Variants in DOT1L observed in about 807,000 individuals in gnomAD.
DOT1L encodes histone-lysine N-methyltransferase, H3 lysine-79 specific.
In DOT1L, 33 loss-of-function variants were observed where a neutral mutation model predicts 153.3. The observed-to-expected ratio is 0.22, with a 90% CI of 0.16 to 0.29. The LOEUF is 0.29. Among genes scored for constraint, DOT1L ranks in the 10% least tolerant of loss-of-function variants. The pLI is 1.00. For missense variants in DOT1L, 1,847 were observed against 2,119.9 expected, an observed-to-expected ratio of 0.87 and a Z score of 2.53; for synonymous variants, 1,135 against 965.1, an observed-to-expected ratio of 1.18 and a Z score of -3.26.
chr19:2,209,939 T>A (rs1174272878), intron 12 of DOT1L, among the ~76,000 whole-genome samples: 1 of 152,168 alleles, frequency 6.6e-6, no homozygotes. Flanking sequence ...TGTGTTCCCC[T>A]TCCCGTGGGT....
rs146482120 is a variant in DOT1L at position 2,222,408 on chromosome 19, G to T, written c.3239G>T (p.Gly1080Val). 1.2e-6 allele frequency: 2 copies of T among 1,611,120 alleles called. No individual in the cohort carries two copies. The highest frequency in any genetic ancestry group is 1.7e-6 in the Non-Finnish European group (2 of 1,179,072). ...SARGDCVPSH[G>V]QDSRRRGRRK... is the part of the protein sequence containing the mutation. ...CGTGGGGACTGTGTGCCGAGCCACG[G>T]GCAGGACAGTCGCAGGCGCGGCCGG... Residue 1080 changes from glycine (G) to valine (V), a missense_variant, in exon 24 of 28, where the codon GGG (glycine) becomes GTG (valine). By Grantham distance (109) the Gly-to-Val change is moderately radical. Transcript: ENST00000398665. The surrounding 1 kb of genome is among the most constrained non-coding windows in gnomAD (Gnocchi z 6.5).
In DOT1L at chr19:2,217,594, T is replaced by A. The variant is rs2023953669; in HGVS notation, c.2545-178T>A. On this transcript the variant is annotated intron_variant, in intron 21 of 27. Transcript: ENST00000398665. The surrounding 1 kb of genome is among the most constrained non-coding windows in gnomAD (Gnocchi z 7.3). The stretch of plus-strand genomic sequence containing the variant: ...AGACACCAGGAGCGTGCCGTCCCTC[T>A]GGAGTGTCCCAAAGCCGGTGTCCAG... Among the ~76,000 whole-genome samples the A allele has an allele frequency of 6.6e-6, 1 of 152,118 alleles. No homozygotes were observed. Among genetic ancestry groups the A allele is most frequent in the Admixed American group, 6.5e-5 (1 of 15,280 alleles).
intron 22 of DOT1L, 138 bp downstream of exon 22, chr19:2,218,056 C>A: frequency 7.7e-7 from 1 of 1,296,654 alleles, no homozygotes; most frequent in Non-Finnish European, 1.0e-6. Flanking sequence ...GGTGGGCTGT[C>A]CAAAGCCGGG....
chr19:2,178,904 C>T (rs1015273683), intron 1 of DOT1L, among the ~76,000 whole-genome samples: 18 of 152,286 alleles, frequency 1.2e-4, no homozygotes, highest in Admixed American at 4.6e-4. Context: ...TGCAAAGCAC[C>T]GCACAGACTT....
At chr19:2,176,876 C>G (rs2144681355) in intron 1 of DOT1L, among the ~76,000 whole-genome samples, 1 of 152,316 alleles carries the variant, frequency 6.6e-6, no homozygotes, top group South Asian at 2.1e-4. Flanking sequence ...GGCTGGAATT[C>G]CAGCTTGAGG....
At chr19:2,172,939 T>C (rs1831437023) in intron 1 of DOT1L, among the ~76,000 whole-genome samples, 1 of 150,962 alleles carries the variant, frequency 6.6e-6, no homozygotes, top group South Asian at 2.1e-4. Context: ...ATCGTGCCAC[T>C]GCACTCCAGC....
intron 3 of DOT1L, among the ~76,000 whole-genome samples, chr19:2,187,122 A>G (rs1599554341): frequency 6.6e-6 from 1 of 151,934 alleles, no homozygotes. Context: ...GCTTTACCTC[A>G]CCCAGGAGCC....
rs2024533668 is a variant in DOT1L at position 2,230,108 on chromosome 19, G to T, written c.*316G>T. 1.8e-6 allele frequency: 1 copy of T among 545,062 alleles called. No homozygotes were observed. The highest frequency in any genetic ancestry group is 1.9e-5 in the African/African-American group (1 of 51,346). The allele number at this position is 545,062 out of a possible 1,614,324, so 33.8% of individuals were successfully genotyped here. On this transcript the variant is annotated 3_prime_UTR_variant, in exon 28 of 28. Transcript: ENST00000398665. ...TCTATATATGAGAGCTCTATATAAAGACACGTGTCTGCAGGGCGGGCCCGC... is the reference window on the plus strand; with the variant it reads ...TCTATATATGAGAGCTCTATATAAATACACGTGTCTGCAGGGCGGGCCCGC...
rs72985453 is a variant in DOT1L at position 2,193,946 on chromosome 19, G to A, written c.588+163G>A. 0.015 allele frequency among the ~76,000 whole-genome samples: 2,247 copies of A among 152,258 alleles called. 31 individuals carry two copies. The highest frequency in any genetic ancestry group is 0.024 in the Middle Eastern group (7 of 294). On this transcript the variant is annotated intron_variant, in intron 6 of 27. Transcript: ENST00000398665. The surrounding 1 kb of genome is among the most constrained non-coding windows in gnomAD (Gnocchi z 5.9). ...GCCTGCAGCGTGTGCCTGTGAATAG[G>A]GTGCCCGATCGCCCTCACGGCCCAT...
At chr19:2,227,536 C>G in intron 27 of DOT1L, 1 of 578,532 alleles carries the variant, frequency 1.7e-6, no homozygotes, top group Non-Finnish European at 2.8e-6. Flanking sequence ...AGCGGCCTGG[C>G]CCTGGGGCTG....
At position 2,222,332 on chromosome 19, in the gene DOT1L, A is replaced by G; in HGVS notation, c.3163A>G (p.Ser1055Gly). The change falls in exon 24 of 28, where the codon AGT becomes GGT. Residue 1055 changes from serine (S) to glycine (G), a missense_variant. Physicochemically the swap from Ser to Gly is moderately conservative, Grantham distance 56 (BLOSUM62 0). Coordinates refer to ENST00000398665, the MANE Select transcript of DOT1L (RefSeq NM_032482.3). The surrounding 1 kb of genome is among the most constrained non-coding windows in gnomAD (Gnocchi z 6.5). Reference protein sequence around the residue: ...IVFTITTGAGSAKQSPSSKHS... With the variant: ...IVFTITTGAGGAKQSPSSKHS... ...GTTCACCATCACCACTGGTGCGGGC[A>G]GTGCCAAGCAGTCGCCCTCCAGCAA... is the stretch of plus-strand genomic sequence containing the variant. The G allele has an allele frequency of 1.2e-6, 2 of 1,612,872 alleles. No individual in the cohort carries two copies. The highest frequency in any genetic ancestry group is 1.7e-6 in the Non-Finnish European group (2 of 1,179,876).
At chr19:2,185,021 G>A (rs1005844491) in intron 2 of DOT1L, among the ~76,000 whole-genome samples, 2 of 152,124 alleles carry the variant, frequency 1.3e-5, no homozygotes, top group Non-Finnish European at 2.9e-5. Context: ...GTTTCTGTAG[G>A]TTTAGTGTTT....
At chr19:2,194,013 G>A (rs2022909341) in intron 6 of DOT1L, among the ~76,000 whole-genome samples, 1 of 152,196 alleles carries the variant, frequency 6.6e-6, no homozygotes, top group Non-Finnish European at 1.5e-5. Flanking sequence ...CTGCAGGGGT[G>A]TCTCGGAGCC....
chr19:2,170,541 C>T (rs1289291733), intron 1 of DOT1L, among the ~76,000 whole-genome samples: 1 of 152,094 alleles, frequency 6.6e-6, no homozygotes, highest in African/African-American at 2.4e-5. Context: ...AGCCCCGATT[C>T]AACTCACTTC....
Position 2,208,620 on chromosome 19 carries a change from G to A in DOT1L, c.964-315G>A, listed in dbSNP as rs1468366315. Among the ~76,000 whole-genome samples, 3 of 152,308 alleles carry A rather than the reference G, an allele frequency of 2.0e-5. No homozygotes were observed. Among genetic ancestry groups the A allele is most frequent in the Admixed American group, 6.5e-5 (1 of 15,310 alleles). ...TCGCCTTCTCCTCTGAGGCGGGCGCGGTTCTTCTGTGCAGAAAGCCCTCCC... is the reference window on the plus strand; with the variant it reads ...TCGCCTTCTCCTCTGAGGCGGGCGCAGTTCTTCTGTGCAGAAAGCCCTCCC... On this transcript the variant is annotated intron_variant, in intron 11 of 27. Transcript: ENST00000398665. The surrounding 1 kb of genome is among the most constrained non-coding windows in gnomAD (Gnocchi z 4.4).
In DOT1L at chr19:2,220,302, G is replaced by A. The variant is rs1310321945; in HGVS notation, c.2806+80G>A. 1.4e-6 allele frequency: 2 copies of A among 1,383,810 alleles called. No homozygotes were observed. Among genetic ancestry groups the A allele is most frequent in the African/African-American group, 1.4e-5 (1 of 69,964 alleles). 85.7% of individuals were successfully genotyped at this position (1,383,810 alleles called of 1,614,324 possible). A position where few individuals can be genotyped will look rare whatever the true frequency, so the allele number is the denominator to read the frequency against. ...AGGCAGGAGGGCTGGGTTGCTGGGA[G>A]TGGAACAGGGCTTCCTGGGGTGATC... On this transcript the variant is annotated intron_variant, in intron 23 of 27. Coordinates refer to ENST00000398665, the MANE Select transcript of DOT1L (RefSeq NM_032482.3). The surrounding 1 kb of genome is among the most constrained non-coding windows in gnomAD (Gnocchi z 4.5).
intron 27 of DOT1L, chr19:2,227,731 T>A: frequency 7.6e-7 from 1 of 1,313,994 alleles, no homozygotes; most frequent in Non-Finnish European, 1.0e-6. Context: ...TCTCTCCTAT[T>A]TGCAGGTGTC....
Position 2,185,751 on chromosome 19 carries a change from AGAGT to A in DOT1L, c.126-100_126-97del. ...GACACTGCACTCCAGCCTGGGCAAC[AGAGT>A]GAGACTCCGTCTCAAAACAAAAACA... On this transcript the variant is annotated intron_variant, in intron 2 of 27. Coordinates refer to ENST00000398665, the MANE Select transcript of DOT1L (RefSeq NM_032482.3). 2.4e-6 allele frequency: 3 copies of A among 1,241,660 alleles called. No individual in the cohort carries two copies. In the Admixed American group the frequency reaches 5.2e-5, roughly 22 times the overall value. The allele number at this position is 1,241,660 out of a possible 1,614,324, so 76.9% of individuals were successfully genotyped here.
intron 12 of DOT1L, among the ~76,000 whole-genome samples, chr19:2,209,948 G>T (rs1022435213): frequency 3.3e-5 from 5 of 152,158 alleles, no homozygotes; most frequent in African/African-American, 9.7e-5. Context: ...CTTCCCGTGG[G>T]TCGCGCCCTC....
Sources: gnomAD v4.1 joint callset for allele counts (sites outside exome capture counted in the v4.1 genomes callset) on GRCh38, gnomAD v4.1.1 for gene constraint, Gnocchi (gnomAD v3.1) non-coding constraint, MANE v1.5 for transcripts, NCBI Gene and HGNC (gene_info 2026-07-23, HGNC 2026-07-21) for gene names.